The following PSMA1 variants were observed in gnomAD, a reference collection of about 807,000 sequenced individuals.
The protein encoded by PSMA1 is proteasome 20S subunit alpha 1, also known as proteasome subunit alpha type-1.
Under a neutral mutation model 38.4 loss-of-function variants are expected in PSMA1, and 3 were observed. The observed-to-expected ratio is 0.08, with a 90% CI of 0.04 to 0.20. PSMA1 has a LOEUF of 0.20. PSMA1 is among the 10% of genes least tolerant of loss of function. The probability of loss-of-function intolerance (pLI) is 1.00; values close to 1 mark genes in which losing one functional copy is unlikely to be tolerated. For missense variants in PSMA1, 227 were observed against 325.3 expected (o/e 0.70, Z 2.32); for synonymous variants, 101 against 107.1 (o/e 0.94, Z 0.35).
intron 2 of PSMA1, among the ~76,000 whole-genome samples, chr11:14,532,619 A>G (rs566024670): frequency 2.6e-4 from 39 of 148,258 alleles, no homozygotes; most frequent in Admixed American, 6.8e-4. Flanking sequence ...AAAAAAAAAA[A>G]GGGGGATATA....
chr11:14,600,661 G>C (rs955661775), intron 2 of PSMA1, among the ~76,000 whole-genome samples: 1 of 152,218 alleles, frequency 6.6e-6, no homozygotes, highest in Admixed American at 6.5e-5. Flanking sequence ...GCTTCCCTTG[G>C]CTAGGAAAGG....
chr11:14,589,565 A>C (rs942137261), intron 2 of PSMA1, among the ~76,000 whole-genome samples: 9 of 152,070 alleles, frequency 5.9e-5, no homozygotes, highest in Non-Finnish European at 8.8e-5. Flanking sequence ...CCCAGAGCTT[A>C]CACACCGTAT....
chr11:14,565,610 C>G (rs1408484750), intron 2 of PSMA1, among the ~76,000 whole-genome samples: 1 of 152,136 alleles, frequency 6.6e-6, no homozygotes, highest in African/African-American at 2.4e-5. Flanking sequence ...GAATTCAATT[C>G]AACAAATATT....
intron 2 of PSMA1, among the ~76,000 whole-genome samples, chr11:14,531,447 A>G (rs1372683597): frequency 1.3e-5 from 2 of 152,150 alleles, no homozygotes; most frequent in African/African-American, 4.8e-5. Flanking sequence ...TGTTACTGCA[A>G]AGGACATGAT....
intron 2 of PSMA1, among the ~76,000 whole-genome samples, chr11:14,541,132 T>G (rs1409397024): frequency 6.6e-6 from 1 of 152,138 alleles, no homozygotes; most frequent in Non-Finnish European, 1.5e-5. Context: ...ATAACAATAG[T>G]TTTCTCCCCT....
Position 14,517,540 on chromosome 11 carries a change from A to C in PSMA1, c.254+102T>G, listed in dbSNP as rs921932886. 8.1e-5 allele frequency: 76 copies of C among 943,718 alleles called. No individual in the cohort carries two copies. In the East Asian group the frequency reaches 2.0e-3, roughly 25 times the overall value. The allele number at this position is 943,718 out of a possible 1,614,324, so 58.5% of individuals were successfully genotyped here. ...GTATTCATAATCTTAATTTACAAGA[A>C]CTTTGGCAGACAACTTCCTAAAATA... On this transcript the variant is annotated intron_variant, in intron 4 of 9. Coordinates refer to ENST00000396394, the MANE Select transcript of PSMA1 (RefSeq NM_002786.4).
At chr11:14,536,607 A>C (rs544872335) in intron 2 of PSMA1, among the ~76,000 whole-genome samples, 1 of 150,844 alleles carries the variant, frequency 6.6e-6, no homozygotes, top group African/African-American at 2.4e-5. Flanking sequence ...CATTTAAAAA[A>C]ATTTTTTTTT....
chr11:14,604,128 T>C (rs961117097), intron 2 of PSMA1, among the ~76,000 whole-genome samples: 9 of 152,212 alleles, frequency 5.9e-5, no homozygotes, highest in African/African-American at 2.2e-4. Flanking sequence ...TATTCATTCT[T>C]AGCTCACTGC....
chr11:14,571,890 G>A (rs931805199), intron 2 of PSMA1, among the ~76,000 whole-genome samples: 3 of 151,992 alleles, frequency 2.0e-5, no homozygotes, highest in Non-Finnish European at 2.9e-5. Flanking sequence ...TAGACTTTAA[G>A]CCAACAAAGA....
chr11:14,540,929 G>C (rs1364347594), intron 2 of PSMA1, among the ~76,000 whole-genome samples: 1 of 151,748 alleles, frequency 6.6e-6, no homozygotes, highest in Non-Finnish European at 1.5e-5. Flanking sequence ...TCACACACCA[G>C]GGCCTGTTGT....
chr11:14,553,593 T>C (rs1254639996), intron 2 of PSMA1, among the ~76,000 whole-genome samples: 2 of 152,190 alleles, frequency 1.3e-5, no homozygotes, highest in Non-Finnish European at 2.9e-5. Context: ...GATTGGCTTT[T>C]TTTTTTCACT....
intron 2 of PSMA1, among the ~76,000 whole-genome samples, chr11:14,573,754 C>G (rs937961627): frequency 6.6e-6 from 1 of 152,070 alleles, no homozygotes; most frequent in Admixed American, 6.5e-5. Context: ...GATTGTATAT[C>G]CAGAAAACCC....
At chr11:14,535,598 C>T (rs1362462974) in intron 2 of PSMA1, among the ~76,000 whole-genome samples, 4 of 152,104 alleles carry the variant, frequency 2.6e-5, no homozygotes, top group South Asian at 4.2e-4. Context: ...CATGCGCCAC[C>T]ACACCCGGCT....
chr11:14,567,428 AAAG>A (rs1852085036), intron 2 of PSMA1, among the ~76,000 whole-genome samples: 1 of 152,228 alleles, frequency 6.6e-6, no homozygotes, highest in Non-Finnish European at 1.5e-5. Flanking sequence ...TATCTGGTAT[AAAG>A]AAGAACTAAC....
At chr11:14,545,035 T>C (rs1030736489) in intron 2 of PSMA1, among the ~76,000 whole-genome samples, 2 of 152,096 alleles carry the variant, frequency 1.3e-5, no homozygotes, top group Admixed American at 1.3e-4. Flanking sequence ...TGGAGTGGAG[T>C]AGAGAGTAAC....
chr11:14,584,630 A>C lies in PSMA1; in HGVS notation c.21+26336T>G, dbSNP rs1004667338. On this transcript the variant is annotated intron_variant, in intron 2 of 10. Coordinates refer to the PSMA1 transcript ENST00000418988. ...AGCTTGAGGTACCCTGGCCTCATTC[A>C]TGGCCAAAGCCCTGATTCTATTCCT... Among the ~76,000 whole-genome samples the C allele has an allele frequency of 4.0e-5, 6 of 151,622 alleles. No individual in the cohort carries two copies. The South Asian group carries it at 1.2e-3, about 32-fold the overall frequency.
chr11:14,630,082 T>C (rs1852979158), intron 1 of PSMA1, among the ~76,000 whole-genome samples: 1 of 152,132 alleles, frequency 6.6e-6, no homozygotes, highest in African/African-American at 2.4e-5. Flanking sequence ...AATGGGGTTT[T>C]CTAGATATAC....
chr11:14,589,448 TTATA>T (rs200175041), intron 2 of PSMA1, among the ~76,000 whole-genome samples: 1 of 150,202 alleles, frequency 6.7e-6, no homozygotes, highest in African/African-American at 2.4e-5. Flanking sequence ...TGTGTGTGTA[TTATA>T]TATATATATA....
At chr11:14,541,981 T>C (rs115079921) in intron 2 of PSMA1, among the ~76,000 whole-genome samples, 1 of 152,232 alleles carries the variant, frequency 6.6e-6, no homozygotes, top group African/African-American at 2.4e-5. Context: ...GGCAAAATTA[T>C]AACGCATACA....
Sources: allele counts gnomAD v4.1 joint callset (sites outside exome capture counted in the v4.1 genomes callset), GRCh38; gene constraint gnomAD v4.1.1; transcripts MANE v1.5; gene names NCBI Gene and HGNC (gene_info 2026-07-23, HGNC 2026-07-21).